Variants in UCHL1 observed in about 807,000 individuals in gnomAD.
UCHL1 encodes the protein ubiquitin C-terminal hydrolase L1, also known as ubiquitin carboxyl-terminal hydrolase isozyme L1.
A neutral mutation model predicts 33.3 loss-of-function variants in UCHL1; 5 were observed. That is an observed-to-expected ratio of 0.15 (90% CI 0.08 to 0.32). The LOEUF (loss-of-function observed/expected upper bound fraction) is 0.32. UCHL1 is among the 10% of genes least tolerant of loss of function. The probability of loss-of-function intolerance (pLI) is 1.00; values close to 1 mark genes in which losing one functional copy is unlikely to be tolerated. For missense variants in UCHL1, 236 were observed against 280.0 expected (o/e 0.84, Z 1.12); for synonymous variants, 132 against 108.8 (o/e 1.21, Z -1.33).
At chr4:41,258,644 ACTT>A in intron 3 of UCHL1, among the ~76,000 whole-genome samples, 1 of 152,260 alleles carries the variant, frequency 6.6e-6, no homozygotes, top group Non-Finnish European at 1.5e-5. Context: ...CTTTAGCAAA[ACTT>A]GGGGCATCAC....
At chr4:41,261,574 A>T in intron 4 of UCHL1, 141 bp from the exon 5 acceptor site, 1 of 846,144 alleles carries the variant, frequency 1.2e-6, no homozygotes, top group Non-Finnish European at 1.9e-6. Flanking sequence ...CTAGGGGAAA[A>T]GGTACAGCTC....
intron 7 of UCHL1, among the ~76,000 whole-genome samples, chr4:41,263,546 A>G (rs971232072): frequency 6.6e-6 from 1 of 152,258 alleles, no homozygotes; most frequent in Non-Finnish European, 1.5e-5. Flanking sequence ...GTGCCTGAAT[A>G]TGACCTTACT....
intron 6 of UCHL1, among the ~76,000 whole-genome samples, chr4:41,262,316 G>A (rs368236267): frequency 3.9e-5 from 6 of 152,052 alleles, no homozygotes; most frequent in Admixed American, 1.3e-4. Context: ...ACAGAGTAGC[G>A]AGGTCTGTAG....
chr4:41,263,881 C>T (rs1561081923), intron 7 of UCHL1, among the ~76,000 whole-genome samples: 2 of 152,222 alleles, frequency 1.3e-5, no homozygotes, highest in Non-Finnish European at 2.9e-5. Context: ...GGGTAGCTGA[C>T]TTGAGCTTGT....
intron 3 of UCHL1, among the ~76,000 whole-genome samples, chr4:41,259,965 ATCC>A (rs1393269664): frequency 3.3e-5 from 5 of 152,220 alleles, no homozygotes; most frequent in African/African-American, 9.7e-5. Flanking sequence ...ACCAGTCTCT[ATCC>A]TCCTCCTCAA....
chr4:41,266,106 C>CG (rs1353367230), intron 8 of UCHL1, among the ~76,000 whole-genome samples: 1 of 151,594 alleles, frequency 6.6e-6, no homozygotes, highest in African/African-American at 2.4e-5. Context: ...AGAGATGGGG[C>CG]GGGGAGGGAC....
In UCHL1 at chr4:41,261,753, G is replaced by A. The variant is rs754392787; in HGVS notation, c.364G>A (p.Glu122Lys). 6.2e-7 allele frequency: 1 copy of A among 1,613,588 alleles called. No homozygotes were observed. The highest frequency in any genetic ancestry group is 1.1e-5 in the South Asian group (1 of 91,042). The change falls in exon 5 of 9, where the codon GAG becomes AAG. Residue 122 changes from glutamate to lysine, a missense_variant. Transcript: ENST00000284440. ...SVLKQFLSET[E>K]KMSPEDRAKC... ...TCTGAAACAGTTTCTTTCTGAAACAGAGAAAATGTCCCCTGAAGACAGAGC... is the reference window on the plus strand; with the variant it reads ...TCTGAAACAGTTTCTTTCTGAAACAAAGAAAATGTCCCCTGAAGACAGAGC...
chr4:41,260,744 G>T lies in UCHL1; in HGVS notation c.272G>T (p.Gly91Val). The T allele has an allele frequency of 6.2e-7, 1 of 1,614,180 alleles. No homozygotes were observed. The highest frequency in any genetic ancestry group is 8.5e-7 in the Non-Finnish European group (1 of 1,180,032). ...AAGCAGACCATTGGGAATTCCTGTG[G>T]CACAATCGGACTTATTCACGCAGTG... ...FMKQTIGNSC[G>V]TIGLIHAVAN... The change falls in exon 4 of 9, where the codon GGC (glycine) becomes GTC (valine). Residue 91 changes from glycine to valine, a missense_variant. Gly to Val is a moderately radical substitution (Grantham distance 109). Transcript: ENST00000284440.
chr4:41,268,230 G>T lies in UCHL1; in HGVS notation c.*157G>T. On this transcript the variant is annotated 3_prime_UTR_variant, in exon 9 of 9. Coordinates refer to ENST00000284440, the MANE Select transcript of UCHL1 (RefSeq NM_004181.5). ...CCCTCAGCCACACCCAGGCACTTAA[G>T]CACAAGCAGAGTGCACAGCTGTCCA... The T allele has an allele frequency of 1.4e-6, 1 of 720,248 alleles. No individual in the cohort carries two copies. Among genetic ancestry groups the T allele is most frequent in the Non-Finnish European group, 2.4e-6 (1 of 413,048 alleles). The allele number at this position is 720,248 out of a possible 1,614,324, so 44.6% of individuals were successfully genotyped here.
intron 3 of UCHL1, 41 bp downstream of exon 3, chr4:41,257,778 C>T: frequency 6.5e-7 from 1 of 1,539,152 alleles, no homozygotes; most frequent in Non-Finnish European, 8.7e-7. Context: ...GCCGGCAGTG[C>T]ACGCCGCTCC....
At position 41,261,938 on chromosome 4, in the gene UCHL1, A is replaced by G; in HGVS notation, c.459+15A>G. On this transcript the variant is annotated intron_variant, in intron 6 of 8. Transcript: ENST00000284440. ...GCCAATGTCGGGTAAATGCAAATAC[A>G]AATCGGAGCCAGGCTGCCTGGGTGC... is the stretch of plus-strand genomic sequence containing the variant. 2.5e-6 allele frequency: 4 copies of G among 1,613,886 alleles called. No homozygotes were observed. The highest frequency in any genetic ancestry group is 3.4e-6 in the Non-Finnish European group (4 of 1,179,956).
chr4:41,258,746 A>C (rs565863931), intron 3 of UCHL1, among the ~76,000 whole-genome samples: 1 of 152,356 alleles, frequency 6.6e-6, no homozygotes, highest in East Asian at 1.9e-4. Flanking sequence ...GGGAAGTTCC[A>C]AGCCTTCCTC....
chr4:41,265,349 G>A (rs116019152), intron 8 of UCHL1, among the ~76,000 whole-genome samples: 2 of 152,168 alleles, frequency 1.3e-5, no homozygotes, highest in Non-Finnish European at 1.5e-5. Flanking sequence ...AGGCTGACGC[G>A]GGAGGATTGC....
rs1781124200 is a variant in UCHL1 at position 41,264,556 on chromosome 4, T to G, written c.585+395T>G. The G allele has an allele frequency of 3.8e-5, 10 of 264,202 alleles. No homozygotes were observed. The South Asian group carries it at 4.9e-4, about 13-fold the overall frequency. The allele number at this position is 264,202 out of a possible 1,614,324, so 16.4% of individuals were successfully genotyped here. A position where few individuals can be genotyped will look rare whatever the true frequency, so the allele number is the denominator to read the frequency against. Reference sequence around the variant, plus strand: ...GGATTTGGGTCAGTCTTGGAGGTAGTGTACTATAGATTCTAGTTAGGTGGT... The same window carrying G: ...GGATTTGGGTCAGTCTTGGAGGTAGGGTACTATAGATTCTAGTTAGGTGGT... On this transcript the variant is annotated intron_variant, in intron 8 of 8. Transcript: ENST00000284440.
chr4:41,267,750 G>A (rs760784862), intron 8 of UCHL1, among the ~76,000 whole-genome samples: 14 of 152,138 alleles, frequency 9.2e-5, no homozygotes, highest in East Asian at 7.7e-4. Context: ...CCAAAACCAG[G>A]TACAAAGTGA....
At chr4:41,257,511 C>G in intron 2 of UCHL1, 98 bp from the exon 3 acceptor site, 2 of 1,349,170 alleles carry the variant, frequency 1.5e-6, no homozygotes, top group Non-Finnish European at 1.9e-6. Context: ...GGCTCGGGTG[C>G]GGGCGCGGAG....
intron 8 of UCHL1, among the ~76,000 whole-genome samples, chr4:41,266,132 G>A (rs1178783576): frequency 2.0e-5 from 3 of 152,008 alleles, no homozygotes; most frequent in African/African-American, 7.3e-5. Context: ...ATGTTGCCCA[G>A]GCTGGTCTTT....
chr4:41,257,243 G>A, intron 2 of UCHL1, 117 bp downstream of exon 2: 2 of 1,515,002 alleles, frequency 1.3e-6, no homozygotes, highest in Non-Finnish European at 1.8e-6. Context: ...ACCGGAGACG[G>A]CCGGGCTGGG....
At chr4:41,267,541 C>T (rs963176565) in intron 8 of UCHL1, among the ~76,000 whole-genome samples, 32 of 152,202 alleles carry the variant, frequency 2.1e-4, no homozygotes, top group African/African-American at 6.7e-4. Flanking sequence ...CCACTGCGCC[C>T]GGCCACGTTA....
Sources: gnomAD v4.1 joint callset for allele counts (sites outside exome capture counted in the v4.1 genomes callset) on GRCh38, gnomAD v4.1.1 for gene constraint, MANE v1.5 for transcripts, NCBI Gene and HGNC (gene_info 2026-07-23, HGNC 2026-07-21) for gene names.